Variants in RBMS3 observed in about 807,000 individuals in gnomAD.
RBMS3 encodes the protein RNA-binding motif, single-stranded-interacting protein 3.
RBMS3 carries 27 observed loss-of-function variants against 66.8 expected under a neutral mutation model. The ratio of observed to expected loss-of-function variants is 0.40; its 90% CI spans 0.30 to 0.56. The LOEUF is 0.56. RBMS3 is among the 20% of genes least tolerant of loss of function. The pLI, the probability that RBMS3 is intolerant of heterozygous loss-of-function variation, is 0.40. For synonymous variants in RBMS3, 188 were observed against 183.0 expected (o/e 1.03, Z -0.22); for missense variants, 513 against 549.5 (o/e 0.93, Z 0.66).
rs776166059 is a variant in RBMS3 at position 29,334,536 on chromosome 3, A to G, written c.75+52780A>G. 1.4e-4 allele frequency among the ~76,000 whole-genome samples: 21 copies of G among 152,152 alleles called. 1 individual carries two copies. Among genetic ancestry groups the G allele is most frequent in the Non-Finnish European group, 1.8e-4 (12 of 68,022 alleles). On this transcript the variant is annotated intron_variant, in intron 1 of 14. Coordinates refer to ENST00000383767, the MANE Select transcript of RBMS3 (RefSeq NM_001003793.3). ...TTTTTTTGCAGCTGTGAGGCAGCAGATGATAAATCAAAAACTAATATTTTC... is the reference window on the plus strand; with the variant it reads ...TTTTTTTGCAGCTGTGAGGCAGCAGGTGATAAATCAAAAACTAATATTTTC...
At chr3:29,995,910 CAT>C (rs1396312192) in intron 14 of RBMS3, among the ~76,000 whole-genome samples, 2 of 151,924 alleles carry the variant, frequency 1.3e-5, no homozygotes, top group African/African-American at 4.8e-5. Context: ...CAAATTCACA[CAT>C]AACAATATTA....
At chr3:29,833,466 A>G (rs1193452128) in intron 6 of RBMS3, among the ~76,000 whole-genome samples, 5 of 152,172 alleles carry the variant, frequency 3.3e-5, no homozygotes, top group African/African-American at 9.6e-5. Context: ...CGAGCAAAAT[A>G]AAAAGTTCAA....
intron 8 of RBMS3, among the ~76,000 whole-genome samples, chr3:29,890,401 A>G (rs2059972796): frequency 6.6e-6 from 1 of 151,632 alleles, no homozygotes; most frequent in African/African-American, 2.4e-5. Context: ...GCCGTCAAAT[A>G]TAACTCAGAG....
At chr3:29,342,767 T>C (rs1316924959) in intron 1 of RBMS3, among the ~76,000 whole-genome samples, 1 of 152,166 alleles carries the variant, frequency 6.6e-6, no homozygotes, top group Non-Finnish European at 1.5e-5. Context: ...ACACAGTTTT[T>C]CACACATTAT....
intron 3 of RBMS3, among the ~76,000 whole-genome samples, chr3:29,522,163 G>A (rs2044885158): frequency 6.6e-6 from 1 of 152,090 alleles, no homozygotes; most frequent in African/African-American, 2.4e-5. Flanking sequence ...CCAGAGGTTA[G>A]GATAACAGGG....
chr3:29,860,361 A>G (rs549627336), intron 6 of RBMS3, among the ~76,000 whole-genome samples: 53 of 152,310 alleles, frequency 3.5e-4, no homozygotes, highest in African/African-American at 1.2e-3. Flanking sequence ...TTTGATTAAA[A>G]CTTGTTTTTA....
intron 4 of RBMS3, among the ~76,000 whole-genome samples, chr3:29,690,265 C>T (rs887635413): frequency 1.3e-5 from 2 of 151,450 alleles, no homozygotes; most frequent in Non-Finnish European, 1.5e-5. Context: ...GCCTGGGCAA[C>T]ATGGTGAGAT....
chr3:29,996,756 A>G (rs1405697221), intron 14 of RBMS3, among the ~76,000 whole-genome samples: 1 of 152,214 alleles, frequency 6.6e-6, no homozygotes, highest in Non-Finnish European at 1.5e-5. Flanking sequence ...TCTCTGGGAC[A>G]CATTCAAAGC....
At chr3:29,660,329 A>G (rs1033239405) in intron 4 of RBMS3, among the ~76,000 whole-genome samples, 1 of 152,134 alleles carries the variant, frequency 6.6e-6, no homozygotes, top group Non-Finnish European at 1.5e-5. Flanking sequence ...AATTTAGTCT[A>G]TTTAGTCTGA....
intron 3 of RBMS3, among the ~76,000 whole-genome samples, chr3:29,576,982 C>T (rs2047143383): frequency 6.6e-6 from 1 of 152,188 alleles, no homozygotes; most frequent in Non-Finnish European, 1.5e-5. Flanking sequence ...GCCACAGTGG[C>T]TGAACTGGTA....
chr3:29,685,850 T>C (rs886284587), intron 4 of RBMS3, among the ~76,000 whole-genome samples: 2 of 152,140 alleles, frequency 1.3e-5, no homozygotes, highest in African/African-American at 2.4e-5. Context: ...TAGTCCCACC[T>C]CTCCCCACAC....
At chr3:29,947,979 A>T (rs920488990) in intron 12 of RBMS3, among the ~76,000 whole-genome samples, 7 of 151,314 alleles carry the variant, frequency 4.6e-5, no homozygotes, top group South Asian at 2.1e-4. Context: ...ATTTTTTTTT[A>T]AAAAAGAAAA....
intron 10 of RBMS3, among the ~76,000 whole-genome samples, chr3:29,921,998 G>C (rs903954866): frequency 6.6e-6 from 1 of 152,094 alleles, no homozygotes; most frequent in African/African-American, 2.4e-5. Flanking sequence ...TCTAGGAGTT[G>C]AGTGGTAGTA....
chr3:29,991,518 G>A, intron 14 of RBMS3: 1 of 265,430 alleles, frequency 3.8e-6, no homozygotes, highest in Non-Finnish European at 7.1e-6. Context: ...TCCTCCAGCA[G>A]GCTAATTCAC....
At position 29,476,751 on chromosome 3, in the gene RBMS3, A is replaced by T. The variant is rs6549947; in HGVS notation, c.249-11690A>T. ...TGCTTTTTCTATGTATGTAATTTTT[A>T]AAAAAAAATAAAAATCACCTTCATG... On this transcript the variant is annotated intron_variant, in intron 2 of 14. Transcript: ENST00000383767. Among the ~76,000 whole-genome samples, 925 of 151,708 alleles carry T rather than the reference A, an allele frequency of 6.1e-3. 4 individuals are homozygous for T. The highest frequency in any genetic ancestry group is 9.0e-3 in the African/African-American group (372 of 41,322).
chr3:29,310,299 G>C (rs1575517516), intron 1 of RBMS3, among the ~76,000 whole-genome samples: 1 of 151,770 alleles, frequency 6.6e-6, no homozygotes, highest in East Asian at 2.0e-4. Flanking sequence ...CTGTGAATAA[G>C]CTGGGGGGGC....
intron 10 of RBMS3, among the ~76,000 whole-genome samples, chr3:29,928,211 T>TATATATATACACAC (rs1291440563): frequency 1.3e-4 from 12 of 93,494 alleles, no homozygotes; most frequent in African/African-American, 5.1e-4. Context: ...TATATATATA[T>TATATATATACACAC]ACACACACAC....
At chr3:29,793,537 GATA>G (rs1416626576) in intron 6 of RBMS3, among the ~76,000 whole-genome samples, 5 of 152,132 alleles carry the variant, frequency 3.3e-5, no homozygotes, top group African/African-American at 7.2e-5. Flanking sequence ...ATTTAAGATG[GATA>G]ATGATGCCTG....
chr3:29,898,738 T>TGTGTGC (rs2060185462), intron 9 of RBMS3, among the ~76,000 whole-genome samples: 1 of 140,048 alleles, frequency 7.1e-6, no homozygotes, highest in African/African-American at 2.8e-5. Context: ...GTAATGTGCG[T>TGTGTGC]GTGTGTGTGT....
Sources: allele counts gnomAD v4.1 joint callset (sites outside exome capture counted in the v4.1 genomes callset), GRCh38; gene constraint gnomAD v4.1.1; transcripts MANE v1.5; gene names NCBI Gene and HGNC (gene_info 2026-07-23, HGNC 2026-07-21).